The following GPBP1 variants were observed in gnomAD, a reference collection of about 807,000 sequenced individuals.
The protein encoded by GPBP1 is vasculin.
A neutral mutation model predicts 56.5 loss-of-function variants in GPBP1; 13 were observed. The observed-to-expected ratio is 0.23, with a 90% CI of 0.15 to 0.37. The LOEUF is 0.37. Ranked by LOEUF, GPBP1 falls within the 10% of genes least tolerant of loss-of-function variation. The probability of loss-of-function intolerance (pLI) is 1.00; values close to 1 mark genes in which losing one functional copy is unlikely to be tolerated. For synonymous variants in GPBP1, 204 were observed against 188.9 expected, an observed-to-expected ratio of 1.08 and a Z score of -0.66; for missense variants, 477 against 572.3, an observed-to-expected ratio of 0.83 and a Z score of 1.70.
intron 2 of GPBP1, among the ~76,000 whole-genome samples, chr5:57,190,039 C>A (rs936119651): frequency 2.6e-5 from 4 of 151,940 alleles, no homozygotes; most frequent in African/African-American, 7.2e-5. Context: ...TACCCTGTGC[C>A]CGTCTTTATC....
At chr5:57,201,577 AGT>A (rs2111698804) in intron 2 of GPBP1, among the ~76,000 whole-genome samples, 1 of 152,346 alleles carries the variant, frequency 6.6e-6, no homozygotes, top group African/African-American at 2.4e-5. Flanking sequence ...ATAGTTCAGC[AGT>A]GTTTTTTTAT....
chr5:57,228,319 G>A (rs1010032995), intron 3 of GPBP1, among the ~76,000 whole-genome samples: 1 of 152,156 alleles, frequency 6.6e-6, no homozygotes, highest in African/African-American at 2.4e-5. Flanking sequence ...GCCAGGTGTG[G>A]TGGTGGCCAC....
chr5:57,241,950 T>G (rs924254572), intron 6 of GPBP1, among the ~76,000 whole-genome samples: 3 of 152,226 alleles, frequency 2.0e-5, no homozygotes, highest in African/African-American at 7.2e-5. Flanking sequence ...GATGAGCCAA[T>G]TTTTAAATAA....
chr5:57,211,403 G>A (rs1755470512), intron 2 of GPBP1, among the ~76,000 whole-genome samples: 1 of 152,024 alleles, frequency 6.6e-6, no homozygotes, highest in African/African-American at 2.4e-5. Context: ...TGCCAAGGCC[G>A]GCCTCAATCT....
chr5:57,208,655 C>CTTTTTTT (rs70999065), intron 2 of GPBP1, among the ~76,000 whole-genome samples: 1 of 119,072 alleles, frequency 8.4e-6, no homozygotes. Flanking sequence ...TTTTGTTTTT[C>CTTTTTTT]TTTTTTTTTT....
chr5:57,217,490 T>A (rs548948327), intron 3 of GPBP1, among the ~76,000 whole-genome samples: 1 of 150,204 alleles, frequency 6.7e-6, no homozygotes, highest in African/African-American at 2.5e-5. Flanking sequence ...AGAATCGCTT[T>A]AACCGGGAGG....
chr5:57,261,416 A>AG, intron 11 of GPBP1, 134 bp downstream of exon 11: 1 of 579,054 alleles, frequency 1.7e-6, no homozygotes, highest in Non-Finnish European at 3.1e-6. Flanking sequence ...AAAAAAAAAA[A>AG]GAGGGAGGAC....
intron 6 of GPBP1, among the ~76,000 whole-genome samples, chr5:57,243,927 G>A (rs1434358709): frequency 1.3e-5 from 2 of 151,792 alleles, no homozygotes; most frequent in Admixed American, 6.6e-5. Context: ...GGACTCAAGC[G>A]GTCCTCCCAC....
Position 57,175,962 on chromosome 5 carries a change from A to T in GPBP1, c.-496A>T. ...CAGAGTTTTTTTCCTTTTATCTTTT[A>T]TTTACGTGGAAATTTAAGATGTTGC... On this transcript the variant is annotated 5_prime_UTR_variant, in exon 2 of 12. Coordinates refer to ENST00000506184, the MANE Select transcript of GPBP1 (RefSeq NM_022913.4). The T allele has an allele frequency of 5.0e-6, 2 of 398,478 alleles. No homozygotes were observed. Among genetic ancestry groups the T allele is most frequent in the East Asian group, 7.1e-5 (2 of 28,058 alleles). 24.7% of individuals were successfully genotyped at this position (398,478 alleles called of 1,614,324 possible).
intron 2 of GPBP1, among the ~76,000 whole-genome samples, chr5:57,181,079 A>G (rs1002558103): frequency 1.3e-5 from 2 of 152,216 alleles, no homozygotes; most frequent in African/African-American, 4.8e-5. Flanking sequence ...CATGCCTGTA[A>G]TCCCAACAGT....
chr5:57,225,660 C>T (rs902164910), intron 3 of GPBP1, among the ~76,000 whole-genome samples: 2 of 152,104 alleles, frequency 1.3e-5, no homozygotes, highest in Non-Finnish European at 2.9e-5. Flanking sequence ...ACTTGAGAAA[C>T]ACATTACCCC....
chr5:57,224,224 G>A (rs975179159), intron 3 of GPBP1, among the ~76,000 whole-genome samples: 7 of 151,162 alleles, frequency 4.6e-5, no homozygotes, highest in African/African-American at 1.7e-4. Flanking sequence ...ATAGCTTGGT[G>A]CAACCTGGAA....
At chr5:57,260,109 T>G (rs2111976277) in intron 10 of GPBP1, among the ~76,000 whole-genome samples, 1 of 152,346 alleles carries the variant, frequency 6.6e-6, no homozygotes, top group East Asian at 1.9e-4. Flanking sequence ...GGGCACACAT[T>G]GAGTGGAAAT....
intron 3 of GPBP1, among the ~76,000 whole-genome samples, chr5:57,222,304 A>G (rs937009533): frequency 2.0e-5 from 3 of 152,164 alleles, no homozygotes; most frequent in African/African-American, 7.2e-5. Context: ...CCATTTACAG[A>G]TGAGGGAACT....
At chr5:57,239,606 C>A (rs1192314983) in intron 6 of GPBP1, among the ~76,000 whole-genome samples, 4 of 151,680 alleles carry the variant, frequency 2.6e-5, no homozygotes, top group African/African-American at 9.7e-5. Flanking sequence ...AATGGTGAAA[C>A]CCGTTTCTAC....
chr5:57,187,116 G>A (rs1455395731), intron 2 of GPBP1, among the ~76,000 whole-genome samples: 2 of 150,400 alleles, frequency 1.3e-5, no homozygotes, highest in Non-Finnish European at 3.0e-5. Context: ...TTTTTTTTCT[G>A]CTTTAACATT....
intron 3 of GPBP1, among the ~76,000 whole-genome samples, chr5:57,222,030 G>GT (rs1415825030): frequency 2.6e-5 from 4 of 151,276 alleles, no homozygotes; most frequent in South Asian, 2.1e-4. Flanking sequence ...CTTTAGTTTT[G>GT]TTTTTTTGTT....
intron 11 of GPBP1, among the ~76,000 whole-genome samples, chr5:57,261,868 C>CT (rs1741908942): frequency 6.6e-6 from 1 of 152,054 alleles, no homozygotes. Flanking sequence ...AGTTGAGATG[C>CT]TTTTTTTCAA....
At chr5:57,201,658 C>T (rs1370121779) in intron 2 of GPBP1, among the ~76,000 whole-genome samples, 2 of 152,154 alleles carry the variant, frequency 1.3e-5, no homozygotes, top group Non-Finnish European at 2.9e-5. Flanking sequence ...GGTTATTTTA[C>T]TTGATAGTAA....
Sources: gnomAD v4.1 joint callset for allele counts (sites outside exome capture counted in the v4.1 genomes callset) on GRCh38, gnomAD v4.1.1 for gene constraint, MANE v1.5 for transcripts, NCBI Gene and HGNC (gene_info 2026-07-23, HGNC 2026-07-21) for gene names.